Variants in RALGAPB observed in about 807,000 individuals in gnomAD.
RALGAPB encodes the protein Ral GTPase activating protein non-catalytic subunit beta, also known as ral GTPase-activating protein subunit beta.
RALGAPB carries 25 observed loss-of-function variants against 161.1 expected under a neutral mutation model. The observed-to-expected ratio is 0.16, with a 90% confidence interval of 0.11 to 0.22. The LOEUF (loss-of-function observed/expected upper bound fraction) is 0.22. Ranked by LOEUF, RALGAPB falls within the 10% of genes least tolerant of loss-of-function variation. The pLI, the probability that RALGAPB is intolerant of heterozygous loss-of-function variation, is 1.00. For synonymous variants in RALGAPB, 629 were observed against 626.1 expected (o/e 1.00, Z -0.07); for missense variants, 1,391 against 1,815.2 (o/e 0.77, Z 4.25).
At position 38,571,878 on chromosome 20, in the gene RALGAPB, G is replaced by GT. The variant is rs894312821; in HGVS notation, c.4142+1038dup. Among the ~76,000 whole-genome samples, 46 of 151,884 alleles carry GT rather than the reference G, an allele frequency of 3.0e-4. 1 individual carries two copies. Among genetic ancestry groups the GT allele is most frequent in the Non-Finnish European group, 4.6e-4 (31 of 67,952 alleles). On this transcript the variant is annotated intron_variant, in intron 28 of 29. Transcript: ENST00000262879. ...TCTCGCCAACACTTGTTTTCTTTTG[G>GT]TTTTTTTGAAAATAACCATCCTACC...
intron 6 of RALGAPB, 138 bp downstream of exon 6, chr20:38,509,346 A>G (rs547584069): frequency 5.1e-6 from 5 of 977,196 alleles, no homozygotes; most frequent in African/African-American, 3.3e-5. Context: ...CTGGACAACA[A>G]GCACATTTCT....
At chr20:38,485,561 G>T (rs1231345982) in intron 1 of RALGAPB, among the ~76,000 whole-genome samples, 1 of 152,022 alleles carries the variant, frequency 6.6e-6, no homozygotes, top group African/African-American at 2.4e-5. Flanking sequence ...GAGTAGTTGG[G>T]AATTACAGGT....
At position 38,499,450 on chromosome 20, in the gene RALGAPB, G is replaced by T; in HGVS notation, c.557G>T (p.Gly186Val). ...ILLAPPTVQG[G>V]IAENLAEKLI... ...GTGTTTTCTTTTTGTTGGTAAGGTG[G>T]CATTGCTGAGAATCTAGCAGAGAAG... The change falls in exon 5 of 30, where the codon GGC becomes GTC. Residue 186 changes from glycine (G) to valine (V), a missense_variant. Physicochemically the swap from Gly to Val is moderately radical, Grantham distance 109 (BLOSUM62 -3). This residue lies in a region of RALGAPB where 946 missense variants were observed against 1,257.2 expected (regional missense o/e 0.75). Coordinates refer to ENST00000262879, the MANE Select transcript of RALGAPB (RefSeq NM_020336.4). 1 of 1,592,638 alleles carries T rather than the reference G, an allele frequency of 6.3e-7. No homozygotes were observed. Among genetic ancestry groups the T allele is most frequent in the Non-Finnish European group, 8.6e-7 (1 of 1,168,816 alleles).
At chr20:38,546,478 C>G (rs370727747) in intron 19 of RALGAPB, 48 bp downstream of exon 19, 2 of 1,604,312 alleles carry the variant, frequency 1.2e-6, no homozygotes, top group East Asian at 2.2e-5. Flanking sequence ...ATCAGTGTTA[C>G]CAGTACCATG....
intron 23 of RALGAPB, among the ~76,000 whole-genome samples, chr20:38,561,365 A>T (rs2087779989): frequency 6.6e-6 from 1 of 152,198 alleles, no homozygotes; most frequent in Non-Finnish European, 1.5e-5. Context: ...TTTAAGAGGT[A>T]ATGACCTTGA....
chr20:38,515,404 G>A (rs1454613080), intron 6 of RALGAPB, among the ~76,000 whole-genome samples: 1 of 152,196 alleles, frequency 6.6e-6, no homozygotes, highest in African/African-American at 2.4e-5. Context: ...ACCGGCTTTA[G>A]ATTATCAGTA....
intron 16 of RALGAPB, chr20:38,538,321 C>G (rs926179295): frequency 3.8e-5 from 8 of 212,226 alleles, no homozygotes; most frequent in African/African-American, 1.9e-4. Context: ...CTCATGCGTC[C>G]TGGGCCCAAG....
rs185001105 is a variant in RALGAPB, at chr20:38,501,560, G to A, written c.740+1927G>A. 2.0e-5 allele frequency among the ~76,000 whole-genome samples: 3 copies of A among 152,248 alleles called. No individual in the cohort carries two copies. The East Asian group carries it at 5.8e-4, about 29-fold the overall frequency. ...TGGGATTACAGAGGTGTGCCAACAT[G>A]TCCTGCTAGTTTTTGTATTTTTAGT... On this transcript the variant is annotated intron_variant, in intron 5 of 29. Coordinates refer to ENST00000262879, the MANE Select transcript of RALGAPB (RefSeq NM_020336.4).
At chr20:38,523,578 TTTGTGCCAGATA>T (rs2086361623) in intron 10 of RALGAPB, among the ~76,000 whole-genome samples, 1 of 152,228 alleles carries the variant, frequency 6.6e-6, no homozygotes, top group Admixed American at 6.5e-5. Context: ...TAAGTCCTAC[TTTGTGCCAGATA>T]TTGTGCACAG....
chr20:38,484,110 C>T (rs970998320), intron 1 of RALGAPB, among the ~76,000 whole-genome samples: 6 of 151,896 alleles, frequency 4.0e-5, no homozygotes, highest in African/African-American at 1.5e-4. Flanking sequence ...ACCCAGGAGG[C>T]GAGGTCACAG....
intron 1 of RALGAPB, among the ~76,000 whole-genome samples, chr20:38,478,149 C>G (rs1014079669): frequency 1.3e-5 from 2 of 152,060 alleles, no homozygotes; most frequent in Non-Finnish European, 2.9e-5. Flanking sequence ...TTGACTTATC[C>G]AAAGTCATAT....
At chr20:38,521,745 G>A (rs1430744242) in intron 10 of RALGAPB, 47 bp downstream of exon 10, 1 of 1,594,206 alleles carries the variant, frequency 6.3e-7, no homozygotes, top group Non-Finnish European at 8.6e-7. Flanking sequence ...TTTTGATAGT[G>A]AAGCCATTGT....
Position 38,517,772 on chromosome 20 carries a change from T to C in RALGAPB, c.1201-12T>C. 1 of 1,608,580 alleles carries C rather than the reference T, an allele frequency of 6.2e-7. No homozygotes were observed. Reference sequence around the variant, plus strand: ...TCATTGGTATGGGTGTATTCTTGTGTTCGTCTAATAGGTTAGTACTGCTCA... The same window carrying C: ...TCATTGGTATGGGTGTATTCTTGTGCTCGTCTAATAGGTTAGTACTGCTCA... On this transcript the variant is annotated splice_polypyrimidine_tract_variant and intron_variant, in intron 8 of 29. Coordinates refer to ENST00000262879, the MANE Select transcript of RALGAPB (RefSeq NM_020336.4).
In RALGAPB at chr20:38,478,622, T is replaced by A. The variant is rs532512878; in HGVS notation, c.-31+5553T>A. ...TTTTATTATTATTTATTTTATTTTA[T>A]TTTTTATTTTTGAGACAGAGTTTCG... On this transcript the variant is annotated intron_variant, in intron 1 of 29. Coordinates refer to ENST00000262879, the MANE Select transcript of RALGAPB (RefSeq NM_020336.4). 5.3e-5 allele frequency among the ~76,000 whole-genome samples: 8 copies of A among 151,862 alleles called. No individual in the cohort carries two copies. The East Asian group carries it at 1.5e-3, about 29-fold the overall frequency.
rs557931378 is a variant in RALGAPB at position 38,528,100 on chromosome 20, G to T, written c.2050+2058G>T. Among the ~76,000 whole-genome samples the T allele has an allele frequency of 2.6e-5, 4 of 152,220 alleles. No individual in the cohort carries two copies. In the East Asian group the frequency reaches 7.7e-4, roughly 29 times the overall value. On this transcript the variant is annotated intron_variant, in intron 13 of 29. Coordinates refer to ENST00000262879, the MANE Select transcript of RALGAPB (RefSeq NM_020336.4). ...AGTGTGGTCAGAAAGCTATTGCTGT[G>T]ACTTTATTTTGTAATTTTTGTTTTA...
intron 6 of RALGAPB, among the ~76,000 whole-genome samples, chr20:38,512,748 A>T (rs954495021): frequency 6.6e-6 from 1 of 152,122 alleles, no homozygotes; most frequent in Non-Finnish European, 1.5e-5. Flanking sequence ...GCAGTTAAAA[A>T]TTTTATTTAT....
At chr20:38,499,867 CA>C (rs1039722213) in intron 5 of RALGAPB, 10 of 312,876 alleles carry the variant, frequency 3.2e-5, no homozygotes, top group African/African-American at 8.6e-5. Flanking sequence ...ACTTCCCCCA[CA>C]AAAAAATTCC....
At chr20:38,521,975 T>G (rs1246881018) in intron 10 of RALGAPB, among the ~76,000 whole-genome samples, 1 of 152,242 alleles carries the variant, frequency 6.6e-6, no homozygotes, top group Non-Finnish European at 1.5e-5. Flanking sequence ...TGTTAACAAA[T>G]TTTTAGCACA....
intron 23 of RALGAPB, among the ~76,000 whole-genome samples, chr20:38,560,707 G>C (rs755886810): frequency 1.3e-5 from 2 of 152,152 alleles, no homozygotes; most frequent in Non-Finnish European, 2.9e-5. Flanking sequence ...TCCTAACCCA[G>C]TTCAGTTTCC....
Sources: allele counts gnomAD v4.1 joint callset (sites outside exome capture counted in the v4.1 genomes callset), GRCh38; gene constraint gnomAD v4.1.1; regional missense constraint gnomAD v4.1.1; transcripts MANE v1.5; gene names NCBI Gene and HGNC (gene_info 2026-07-23, HGNC 2026-07-21).